The following GRID2 variants were observed in gnomAD, a reference collection of about 807,000 sequenced individuals.
GRID2 encodes glutamate receptor ionotropic, delta-2.
GRID2 carries 33 observed loss-of-function variants against 114.8 expected under a neutral mutation model. The observed-to-expected ratio is 0.29, with a 90% CI of 0.22 to 0.38. The LOEUF (loss-of-function observed/expected upper bound fraction) is 0.38, where lower values mean the gene tolerates loss of function less well. Among genes scored for constraint, GRID2 ranks in the 10% least tolerant of loss-of-function variants. GRID2 has a pLI of 1.00. For synonymous variants in GRID2, 505 were observed against 449.9 expected (o/e 1.12, Z -1.55); for missense variants, 1,184 against 1,257.7 (o/e 0.94, Z 0.89).
chr4:92,461,114 T>G (rs1440815177), intron 1 of GRID2, among the ~76,000 whole-genome samples: 1 of 151,722 alleles, frequency 6.6e-6, no homozygotes, highest in African/African-American at 2.4e-5. Flanking sequence ...TTCTTATATG[T>G]GTTTTTTAAC....
chr4:93,530,710 T>A (rs1731356019), intron 13 of GRID2, among the ~76,000 whole-genome samples: 2 of 152,176 alleles, frequency 1.3e-5, no homozygotes, highest in Non-Finnish European at 2.9e-5. Context: ...TATACTATTT[T>A]GGGCCAGAAC....
chr4:93,181,219 G>A (rs1739866305), intron 4 of GRID2, among the ~76,000 whole-genome samples: 2 of 152,092 alleles, frequency 1.3e-5, no homozygotes, highest in African/African-American at 2.4e-5. Flanking sequence ...AGAGCTCTGG[G>A]GTGACCAAGT....
chr4:92,774,294 G>A (rs888573080), intron 2 of GRID2, among the ~76,000 whole-genome samples: 1 of 152,082 alleles, frequency 6.6e-6, no homozygotes, highest in South Asian at 2.1e-4. Context: ...TCCACAAAAT[G>A]TCAACAACCC....
At chr4:93,419,919 A>G (rs376790554) in intron 9 of GRID2, among the ~76,000 whole-genome samples, 1 of 152,262 alleles carries the variant, frequency 6.6e-6, no homozygotes, top group South Asian at 2.1e-4. Context: ...ATACATTGGG[A>G]CAGTATTTTT....
chr4:93,586,875 C>G (rs1409160550), intron 13 of GRID2, among the ~76,000 whole-genome samples: 4 of 152,110 alleles, frequency 2.6e-5, no homozygotes, highest in African/African-American at 9.7e-5. Context: ...TTTCTTCTCT[C>G]TTTTTTAACC....
chr4:92,977,222 G>A (rs1020340439), intron 2 of GRID2, among the ~76,000 whole-genome samples: 7 of 152,170 alleles, frequency 4.6e-5, no homozygotes, highest in Admixed American at 4.6e-4. Context: ...ATTAACAGGA[G>A]AAGTTGTGGT....
intron 14 of GRID2, among the ~76,000 whole-genome samples, chr4:93,691,367 G>A (rs1403594119): frequency 6.6e-6 from 1 of 151,940 alleles, no homozygotes; most frequent in African/African-American, 2.4e-5. Flanking sequence ...GTGGTCAATA[G>A]GTCTAGACAC....
At chr4:92,841,638 A>T (rs888245037) in intron 2 of GRID2, among the ~76,000 whole-genome samples, 1 of 152,064 alleles carries the variant, frequency 6.6e-6, no homozygotes, top group African/African-American at 2.4e-5. Flanking sequence ...CTGCATTTAG[A>T]TGCATGCTCT....
chr4:93,040,896 G>C (rs1335593477), intron 2 of GRID2, among the ~76,000 whole-genome samples: 1 of 152,008 alleles, frequency 6.6e-6, no homozygotes, highest in East Asian at 1.9e-4. Context: ...TCCTACTTTT[G>C]CATTCTATCT....
intron 6 of GRID2, among the ~76,000 whole-genome samples, chr4:93,221,797 C>A (rs1744906756): frequency 6.6e-6 from 1 of 152,054 alleles, no homozygotes; most frequent in African/African-American, 2.4e-5. Context: ...AATATTACCA[C>A]CACTTCTTGA....
intron 14 of GRID2, among the ~76,000 whole-genome samples, chr4:93,723,706 A>T (rs1169347719): frequency 6.6e-6 from 1 of 152,232 alleles, no homozygotes; most frequent in Non-Finnish European, 1.5e-5. Flanking sequence ...AGTTTGACTA[A>T]TGGATCGATG....
intron 14 of GRID2, among the ~76,000 whole-genome samples, chr4:93,735,076 C>CATCG (rs1245365450): frequency 6.6e-6 from 1 of 151,976 alleles, no homozygotes; most frequent in African/African-American, 2.4e-5. Flanking sequence ...GACCAAGATG[C>CATCG]ATCGTCAAAT....
chr4:92,355,328 C>T (rs1282909050), intron 1 of GRID2, among the ~76,000 whole-genome samples: 1 of 151,694 alleles, frequency 6.6e-6, no homozygotes, highest in Non-Finnish European at 1.5e-5. Context: ...TTTACATAGG[C>T]ACTGTCTACA....
At chr4:93,516,163 G>A (rs368474059) in intron 13 of GRID2, among the ~76,000 whole-genome samples, 88 of 152,204 alleles carry the variant, frequency 5.8e-4, no homozygotes, top group East Asian at 3.9e-3. Flanking sequence ...AGGAATGAAC[G>A]TCAGTAATAG....
chr4:93,676,461 A>G (rs1056791897), intron 14 of GRID2, among the ~76,000 whole-genome samples: 1 of 152,178 alleles, frequency 6.6e-6, no homozygotes, highest in African/African-American at 2.4e-5. Context: ...TATTGATGAC[A>G]CTGAAATTTG....
At chr4:92,690,017 G>A (rs1734099360) in intron 2 of GRID2, among the ~76,000 whole-genome samples, 2 of 151,968 alleles carry the variant, frequency 1.3e-5, no homozygotes, top group Admixed American at 1.3e-4. Flanking sequence ...TCAGCCATAA[G>A]GCCCTTTTAC....
rs1011664264 is a variant in GRID2, at chr4:92,949,482, G to C, written c.245-135513G>C. Among the ~76,000 whole-genome samples the C allele has an allele frequency of 2.0e-5, 3 of 151,928 alleles. No individual in the cohort carries two copies. In the Admixed American group the frequency reaches 2.0e-4, roughly 10 times the overall value. On this transcript the variant is annotated intron_variant, in intron 2 of 15. Coordinates refer to ENST00000282020, the MANE Select transcript of GRID2 (RefSeq NM_001510.4). The stretch of plus-strand genomic sequence containing the variant: ...AAATAACCTTTACATTTTAAGAAGT[G>C]ACTGAATTTTAGTTTATGATTGACT...
rs1578450957 is a variant in GRID2 at position 92,913,312 on chromosome 4, G to A, written c.245-171683G>A. 2.6e-5 allele frequency among the ~76,000 whole-genome samples: 4 copies of A among 151,930 alleles called. No homozygotes were observed. In the East Asian group the frequency reaches 7.7e-4, roughly 29 times the overall value. On this transcript the variant is annotated intron_variant, in intron 2 of 15. Transcript: ENST00000282020. ...GTTTACCTTCCTAGTATAAGGAGGG[G>A]AATAGTGAAATACGACAATTAGAAA...
In GRID2 at chr4:93,626,355, C is replaced by T. The variant is rs1044404092; in HGVS notation, c.2280C>T (p.Thr760=). 1 of 1,604,164 alleles carries T rather than the reference C, an allele frequency of 6.2e-7. No homozygotes were observed. The highest frequency in any genetic ancestry group is 1.7e-5 in the Admixed American group (1 of 59,910). The change falls in exon 14 of 16, where the codon ACC becomes ACT. Residue 760 remains threonine (T), a synonymous_variant. Transcript: ENST00000282020. ...ATGACCCAGATTGTTCCTTTTACAC[C>T]ATTGGAAATACTGTTGCTGATCGGG... ...AINDPDCSFY[T]IGNTVADRGY...
Sources: allele counts gnomAD v4.1 joint callset (sites outside exome capture counted in the v4.1 genomes callset), GRCh38; gene constraint gnomAD v4.1.1; transcripts MANE v1.5; gene names NCBI Gene and HGNC (gene_info 2026-07-23, HGNC 2026-07-21).